Variants in FBXL2 observed in about 807,000 individuals in gnomAD.
FBXL2 encodes F-box/LRR-repeat protein 2.
Under a neutral mutation model 69.2 loss-of-function variants are expected in FBXL2, and 38 were observed. The observed-to-expected ratio is 0.55, with a 90% CI of 0.42 to 0.72. The LOEUF is 0.72. Among genes scored for constraint, FBXL2 ranks in the 30% least tolerant of loss-of-function variants. The pLI is 0.00. For missense variants in FBXL2, 354 were observed against 520.3 expected (o/e 0.68, Z 3.11); for synonymous variants, 192 against 201.3 (o/e 0.95, Z 0.39).
chr3:33,301,773 A>C (rs1237774985), intron 2 of FBXL2, among the ~76,000 whole-genome samples: 2 of 152,200 alleles, frequency 1.3e-5, no homozygotes, highest in Non-Finnish European at 2.9e-5. Context: ...TAACAGTGGA[A>C]GTACTTAATT....
At chr3:33,325,094 GCT>G (rs2038582702) in intron 2 of FBXL2, among the ~76,000 whole-genome samples, 1 of 152,052 alleles carries the variant, frequency 6.6e-6, no homozygotes. Flanking sequence ...TCATGATTTA[GCT>G]CTCTGTTTGT....
At chr3:33,297,915 T>C (rs2035887464) in intron 2 of FBXL2, 190 bp downstream of exon 2, 2 of 639,176 alleles carry the variant, frequency 3.1e-6, no homozygotes, top group Non-Finnish European at 5.8e-6. Context: ...TAATCCAGAA[T>C]GTACTAAGTA....
chr3:33,373,572 T>A lies in FBXL2; in HGVS notation c.456-6T>A. ...GCACATAAGTTTTTGTTTCTTGTTC[T>A]CTCAGTGAGGGCTGCCGAAACCTGG... On this transcript the variant is annotated splice_polypyrimidine_tract_variant and splice_region_variant and intron_variant, in intron 7 of 14. Coordinates refer to ENST00000484457, the MANE Select transcript of FBXL2 (RefSeq NM_012157.5). 6.2e-7 allele frequency: 1 copy of A among 1,614,202 alleles called. No homozygotes were observed. Among genetic ancestry groups the A allele is most frequent in the Non-Finnish European group, 8.5e-7 (1 of 1,180,026 alleles).
intron 7 of FBXL2, 31 bp from the exon 8 acceptor site, chr3:33,373,547 G>A: frequency 3.7e-6 from 6 of 1,614,016 alleles, no homozygotes; most frequent in Non-Finnish European, 5.1e-6. Flanking sequence ...AGGAGAGACT[G>A]CACATAAGTT....
chr3:33,280,788 A>C (rs952811640), intron 1 of FBXL2, among the ~76,000 whole-genome samples: 2 of 152,026 alleles, frequency 1.3e-5, no homozygotes, highest in Non-Finnish European at 2.9e-5. Flanking sequence ...TATGGAACAA[A>C]ATCTATTGGG....
At chr3:33,302,879 G>A (rs2036406657) in intron 2 of FBXL2, among the ~76,000 whole-genome samples, 1 of 152,094 alleles carries the variant, frequency 6.6e-6, no homozygotes, top group Non-Finnish European at 1.5e-5. Flanking sequence ...AAAATGACTA[G>A]CACATCATTT....
At chr3:33,348,441 G>A (rs2040604605) in intron 2 of FBXL2, among the ~76,000 whole-genome samples, 1 of 152,122 alleles carries the variant, frequency 6.6e-6, no homozygotes, top group African/African-American at 2.4e-5. Flanking sequence ...CAGGTAATGT[G>A]ATTCCTCCAG....
chr3:33,304,621 T>C (rs1559513000), intron 2 of FBXL2, among the ~76,000 whole-genome samples: 1 of 152,092 alleles, frequency 6.6e-6, no homozygotes, highest in Non-Finnish European at 1.5e-5. Flanking sequence ...GACATCCTCG[T>C]AGATGTCTCC....
intron 1 of FBXL2, among the ~76,000 whole-genome samples, chr3:33,296,187 T>A (rs2035735206): frequency 6.6e-6 from 1 of 152,140 alleles, no homozygotes; most frequent in Non-Finnish European, 1.5e-5. Context: ...CACCTCAGCC[T>A]CCTGAGTAAC....
intron 5 of FBXL2, among the ~76,000 whole-genome samples, chr3:33,369,178 A>G (rs959162161): frequency 1.4e-4 from 22 of 152,058 alleles, no homozygotes; most frequent in Admixed American, 9.2e-4. Context: ...CAGACTCCCA[A>G]GTAGCTGGGA....
chr3:33,287,521 A>C (rs968086080), intron 1 of FBXL2, among the ~76,000 whole-genome samples: 1 of 152,116 alleles, frequency 6.6e-6, no homozygotes, highest in Non-Finnish European at 1.5e-5. Context: ...TCGTTCTGCC[A>C]CCCAGGCTGG....
intron 2 of FBXL2, among the ~76,000 whole-genome samples, chr3:33,339,060 G>A (rs2039809771): frequency 6.6e-6 from 1 of 151,852 alleles, no homozygotes; most frequent in African/African-American, 2.4e-5. Flanking sequence ...AACCTATAAG[G>A]AATTTAAATA....
chr3:33,400,404 C>A, intron 12 of FBXL2: 1 of 633,574 alleles, frequency 1.6e-6, no homozygotes, highest in Non-Finnish European at 2.6e-6. Context: ...GAGTCTGACT[C>A]CAGCAACCCA....
chr3:33,283,520 G>T (rs2034268293), intron 1 of FBXL2, among the ~76,000 whole-genome samples: 1 of 151,980 alleles, frequency 6.6e-6, no homozygotes, highest in East Asian at 1.9e-4. Context: ...TTTTTTTGTT[G>T]TGTCTCTGCC....
At chr3:33,364,539 C>T in intron 4 of FBXL2, 86 bp from the exon 5 acceptor site, 1 of 1,153,594 alleles carries the variant, frequency 8.7e-7, no homozygotes, top group Non-Finnish European at 1.3e-6. Flanking sequence ...AAAATATATT[C>T]AGTTCCTAGA....
chr3:33,301,804 A>G (rs1177904989), intron 2 of FBXL2, among the ~76,000 whole-genome samples: 1 of 152,174 alleles, frequency 6.6e-6, no homozygotes, highest in Non-Finnish European at 1.5e-5. Context: ...ATTATCTATT[A>G]GTGAGTTGGA....
At chr3:33,413,819 C>T in the FBXL2 span, among the ~76,000 whole-genome samples, 2 of 152,136 alleles carry the variant, frequency 1.3e-5, no homozygotes, top group East Asian at 3.9e-4. Flanking sequence ...TTACCCAGCA[C>T]CCACTTCACA....
chr3:33,388,727 C>T (rs1223112827), downstream of FBXL2: 1 of 152,204 alleles, frequency 6.6e-6, no homozygotes, highest in Non-Finnish European at 1.5e-5. Context: ...GGAAAACTCT[C>T]TGCCTATAGG....
chr3:33,379,931 A>G (rs2042918108), intron 13 of FBXL2, among the ~76,000 whole-genome samples: 1 of 152,184 alleles, frequency 6.6e-6, no homozygotes, highest in Non-Finnish European at 1.5e-5. Flanking sequence ...GCAGAAAAAG[A>G]ATTTGACAAA....
Sources: allele counts gnomAD v4.1 joint callset (sites outside exome capture counted in the v4.1 genomes callset), GRCh38; gene constraint gnomAD v4.1.1; transcripts MANE v1.5; gene names NCBI Gene and HGNC (gene_info 2026-07-23, HGNC 2026-07-21).